The following KYNU variants were observed in gnomAD, a reference collection of about 807,000 sequenced individuals.
The protein encoded by KYNU is kynureninase.
KYNU carries 54 observed loss-of-function variants against 59.2 expected under a neutral mutation model. That is an observed-to-expected ratio of 0.91 (90% CI 0.73 to 1.14). KYNU has a LOEUF of 1.14. Ranked by LOEUF, KYNU falls within the 50% of genes most tolerant of loss-of-function variation. The pLI is 0.00. For synonymous variants in KYNU, 177 were observed against 192.0 expected, an observed-to-expected ratio of 0.92 and a Z score of 0.65; for missense variants, 567 against 554.4, an observed-to-expected ratio of 1.02 and a Z score of -0.23.
In KYNU at chr2:143,049,117, A is replaced by T. The variant is rs1687218439; in HGVS notation, c.*6945A>T. 6.6e-6 allele frequency: 1 copy of T among 152,096 alleles called. No homozygotes were observed. Among genetic ancestry groups the T allele is most frequent in the Non-Finnish European group, 1.5e-5 (1 of 68,016 alleles). The allele number at this position is 152,096 out of a possible 1,614,324, so 9.4% of individuals were successfully genotyped here. A position where few individuals can be genotyped will look rare whatever the true frequency, so the allele number is the denominator to read the frequency against. On this transcript the variant is annotated 3_prime_UTR_variant, in exon 14 of 14. Transcript: ENST00000264170. ...CCTCTTTCTATTATTTCCTTTTTAA[A>T]ATAAAAGGGTATATGTTAGAATTTT...
chr2:143,028,314 C>T (rs1686637639), intron 10 of KYNU, among the ~76,000 whole-genome samples: 2 of 131,414 alleles, frequency 1.5e-5, no homozygotes, highest in Admixed American at 9.2e-5. Flanking sequence ...GGCTCCATCT[C>T]GGCTCACTGC....
At chr2:142,959,525 G>C (rs1684270293) in intron 7 of KYNU, among the ~76,000 whole-genome samples, 1 of 151,226 alleles carries the variant, frequency 6.6e-6, no homozygotes, top group Non-Finnish European at 1.5e-5. Flanking sequence ...GGTGGAGGTT[G>C]TGGTGAGCCA....
intron 8 of KYNU, among the ~76,000 whole-genome samples, chr2:142,981,366 A>C (rs1483761353): frequency 6.6e-6 from 1 of 152,172 alleles, no homozygotes; most frequent in Admixed American, 6.6e-5. Flanking sequence ...TTAATTGGAA[A>C]TGTTGAAGAG....
At chr2:143,006,495 G>A (rs1197085878) in intron 10 of KYNU, among the ~76,000 whole-genome samples, 1 of 113,012 alleles carries the variant, frequency 8.8e-6, no homozygotes, top group African/African-American at 3.7e-5. Flanking sequence ...GCCCGCCATT[G>A]CCCAGGCTTG....
intron 10 of KYNU, among the ~76,000 whole-genome samples, chr2:143,000,161 T>C (rs1573886473): frequency 6.6e-6 from 1 of 152,294 alleles, no homozygotes; most frequent in East Asian, 1.9e-4. Context: ...CTCCCCTACT[T>C]TTCTGTTGCT....
At chr2:142,892,516 G>A (rs989597985) in intron 2 of KYNU, among the ~76,000 whole-genome samples, 6 of 152,164 alleles carry the variant, frequency 3.9e-5, no homozygotes, top group African/African-American at 9.7e-5. Context: ...AATAAGGTAC[G>A]GAATAGGGAA....
chr2:142,989,310 C>T, intron 10 of KYNU: 2 of 900,730 alleles, frequency 2.2e-6, no homozygotes, highest in Non-Finnish European at 2.7e-6. Flanking sequence ...GTTTAATAAG[C>T]CTTCTGTCAT....
rs1684119559 is a variant in KYNU at position 142,955,095 on chromosome 2, CT to C, written c.435+225del. Among the ~76,000 whole-genome samples, 3 of 151,836 alleles carry C rather than the reference CT, an allele frequency of 2.0e-5. No individual in the cohort carries two copies. The South Asian group carries it at 6.2e-4, about 32-fold the overall frequency. The stretch of plus-strand genomic sequence containing the variant: ...CTTTAGAATAATGAACAGTTCTTGT[CT>C]GGGAAAATAAAGAATAAGAGCCATA... On this transcript the variant is annotated intron_variant, in intron 5 of 13. Transcript: ENST00000264170.
intron 1 of KYNU, among the ~76,000 whole-genome samples, chr2:142,882,492 ACGACAGGCTCCGGTGTGTGATGTTCCC>A (rs1681337133): frequency 6.6e-6 from 1 of 151,814 alleles, no homozygotes; most frequent in Non-Finnish European, 1.5e-5. Context: ...CCCCCACTCC[ACGACAGGCTCCGGTGTGTGATGTTCCC>A]CGCCCTGTGT....
At chr2:142,926,868 A>AC (rs1164502204) in intron 3 of KYNU, among the ~76,000 whole-genome samples, 1 of 151,954 alleles carries the variant, frequency 6.6e-6, no homozygotes, top group Non-Finnish European at 1.5e-5. Context: ...ATCCCTGGAG[A>AC]CCCCCCTGCC....
chr2:142,936,741 A>G (rs1683402993), intron 4 of KYNU, among the ~76,000 whole-genome samples: 1 of 152,170 alleles, frequency 6.6e-6, no homozygotes, highest in Non-Finnish European at 1.5e-5. Context: ...ACTTACTGGT[A>G]GGTGAGATCA....
chr2:142,955,403 G>A (rs1018718362), intron 5 of KYNU, among the ~76,000 whole-genome samples: 1 of 151,978 alleles, frequency 6.6e-6, no homozygotes. Flanking sequence ...ATCTATTAGG[G>A]ATATTGTGTT....
At chr2:142,992,282 G>A (rs947817177) in intron 10 of KYNU, among the ~76,000 whole-genome samples, 43 of 151,572 alleles carry the variant, frequency 2.8e-4, no homozygotes, top group Non-Finnish European at 5.9e-5. Flanking sequence ...AATGATAAAT[G>A]CCTCACAAAT....
chr2:143,049,582 G>T lies in KYNU; in HGVS notation c.*7410G>T. Reference sequence around the variant, plus strand: ...TAGAAGTTTCCTGAGACCATCCCTTGCCCAGCTCTTTTGGTGATCCCCTTC... The same window carrying T: ...TAGAAGTTTCCTGAGACCATCCCTTTCCCAGCTCTTTTGGTGATCCCCTTC... On this transcript the variant is annotated 3_prime_UTR_variant, in exon 14 of 14. Coordinates refer to ENST00000264170, the MANE Select transcript of KYNU (RefSeq NM_003937.3). 6.6e-6 allele frequency: 1 copy of T among 152,332 alleles called. No individual in the cohort carries two copies. Among genetic ancestry groups the T allele is most frequent in the Non-Finnish European group, 1.5e-5 (1 of 68,054 alleles). The allele number at this position is 152,332 out of a possible 1,614,324, so 9.4% of individuals were successfully genotyped here.
intron 2 of KYNU, among the ~76,000 whole-genome samples, chr2:142,917,351 G>A (rs1682698958): frequency 6.6e-6 from 1 of 151,990 alleles, no homozygotes. Flanking sequence ...GTTGTGTAGA[G>A]AAAGCACAGG....
At chr2:143,005,845 A>G (rs1685863859) in intron 10 of KYNU, among the ~76,000 whole-genome samples, 1 of 152,120 alleles carries the variant, frequency 6.6e-6, no homozygotes, top group Non-Finnish European at 1.5e-5. Flanking sequence ...TCTGAATAGA[A>G]AAGGATGGAA....
intron 10 of KYNU, among the ~76,000 whole-genome samples, chr2:143,005,059 AGG>A (rs1455999515): frequency 6.6e-6 from 1 of 152,220 alleles, no homozygotes; most frequent in East Asian, 1.9e-4. Flanking sequence ...CCTGATAAGT[AGG>A]TCATCCAGAC....
At chr2:142,902,930 T>C (rs1267406898) in intron 2 of KYNU, among the ~76,000 whole-genome samples, 1 of 152,124 alleles carries the variant, frequency 6.6e-6, no homozygotes, top group Admixed American at 6.5e-5. Context: ...AGAATCAGAA[T>C]GTACAGGGAT....
intron 1 of KYNU, among the ~76,000 whole-genome samples, chr2:142,880,060 A>G (rs1681238560): frequency 6.6e-6 from 1 of 152,174 alleles, no homozygotes; most frequent in East Asian, 1.9e-4. Flanking sequence ...CCTTCTAGTA[A>G]TATGTCATTA....
Sources: gnomAD v4.1 joint callset for allele counts (sites outside exome capture counted in the v4.1 genomes callset) on GRCh38, gnomAD v4.1.1 for gene constraint, MANE v1.5 for transcripts, NCBI Gene and HGNC (gene_info 2026-07-23, HGNC 2026-07-21) for gene names.